The following CDH12 variants were observed in gnomAD, a reference collection of about 807,000 sequenced individuals.
CDH12 encodes the protein cadherin-12.
In CDH12, 41 loss-of-function variants were observed where a neutral mutation model predicts 74.1. The observed-to-expected ratio is 0.55, with a 90% CI of 0.43 to 0.72. The LOEUF is 0.72. CDH12 is among the 30% of genes least tolerant of loss of function. The pLI is 0.00. For missense variants in CDH12, 945 were observed against 977.2 expected, an observed-to-expected ratio of 0.97 and a Z score of 0.44; for synonymous variants, 399 against 355.0, an observed-to-expected ratio of 1.12 and a Z score of -1.39.
At chr5:22,192,674 A>G (rs1750377071) in intron 4 of CDH12, among the ~76,000 whole-genome samples, 1 of 151,888 alleles carries the variant, frequency 6.6e-6, no homozygotes. Context: ...GTGAGAGGTA[A>G]GGAGGGGTGG....
intron 3 of CDH12, among the ~76,000 whole-genome samples, chr5:22,350,428 A>C (rs2150463816): frequency 6.6e-6 from 1 of 152,346 alleles, no homozygotes; most frequent in South Asian, 2.1e-4. Flanking sequence ...GGTAGGAAGT[A>C]AATCCATCAG....
chr5:21,777,549 G>A (rs1745660975), intron 11 of CDH12, among the ~76,000 whole-genome samples: 2 of 148,212 alleles, frequency 1.3e-5, no homozygotes, highest in Admixed American at 6.7e-5. Flanking sequence ...TTGAGACAGA[G>A]TCTCACTCTG....
intron 1 of CDH12, among the ~76,000 whole-genome samples, chr5:22,681,984 C>A (rs1320883659): frequency 6.6e-6 from 1 of 151,918 alleles, no homozygotes; most frequent in Non-Finnish European, 1.5e-5. Context: ...AATCTCTAAG[C>A]ATATACATTC....
At chr5:21,954,198 A>G (rs1210393652) in intron 6 of CDH12, among the ~76,000 whole-genome samples, 1 of 152,068 alleles carries the variant, frequency 6.6e-6, no homozygotes, top group Non-Finnish European at 1.5e-5. Flanking sequence ...TTGATTAGCA[A>G]TAAAATATAT....
rs143922219 is a variant in CDH12 at position 21,774,849 on chromosome 5, C to T, written c.1393+8509G>A. ...ATGTTTAGTCCTGAAAAGTCAACTA[C>T]AGTCTTTGAGTAAGTACATATATTC... On this transcript the variant is annotated intron_variant, in intron 11 of 14. Transcript: ENST00000382254. 5.9e-5 allele frequency among the ~76,000 whole-genome samples: 9 copies of T among 152,264 alleles called. No homozygotes were observed. In the East Asian group the frequency reaches 1.5e-3, roughly 26 times the overall value.
chr5:22,834,823 AAAGAAAAGCAAAGGAAAGGAAATAAGG>A (rs1222404424), intron 1 of CDH12, among the ~76,000 whole-genome samples: 2 of 152,108 alleles, frequency 1.3e-5, no homozygotes, highest in African/African-American at 4.8e-5. Context: ...CTGAAAAAGG[AAAGAAAAGCAAAGGAAAGGAAATAAGG>A]AAGAAAACAA....
At chr5:22,016,845 T>C (rs894168605) in intron 5 of CDH12, among the ~76,000 whole-genome samples, 4 of 152,162 alleles carry the variant, frequency 2.6e-5, no homozygotes, top group Non-Finnish European at 5.9e-5. Flanking sequence ...TAACATCTTG[T>C]TGTGCTAGCC....
chr5:21,833,561 G>GTAATATATTATATAATTTATTA (rs1749356984), intron 8 of CDH12, among the ~76,000 whole-genome samples: 1 of 61,630 alleles, frequency 1.6e-5, no homozygotes, highest in African/African-American at 1.1e-4. Context: ...ATAATCTATG[G>GTAATATATTATATAATTTATTA]CATATATTAT....
chr5:21,928,848 G>C (rs1168887702), intron 6 of CDH12, among the ~76,000 whole-genome samples: 1 of 151,890 alleles, frequency 6.6e-6, no homozygotes, highest in Non-Finnish European at 1.5e-5. Context: ...TGTGTTTTTG[G>C]TGATTTGTAA....
intron 3 of CDH12, among the ~76,000 whole-genome samples, chr5:22,361,905 C>A (rs1740821511): frequency 6.6e-6 from 1 of 152,142 alleles, no homozygotes; most frequent in Non-Finnish European, 1.5e-5. Context: ...GGATCCCTTC[C>A]TTACACCTTA....
At position 22,551,672 on chromosome 5, in the gene CDH12, CAGAT is replaced by C. The variant is rs137890787; in HGVS notation, c.-522-46312_-522-46309del. On this transcript the variant is annotated intron_variant, in intron 1 of 14. Transcript: ENST00000382254. Reference sequence around the variant, plus strand: ...ACATGTGATATTCTTGTGAGGGACACAGATAGTTATCTAAAGGTTAAATGCCTAT... The same window carrying C: ...ACATGTGATATTCTTGTGAGGGACACAGTTATCTAAAGGTTAAATGCCTAT... 2.6e-4 allele frequency among the ~76,000 whole-genome samples: 39 copies of C among 152,020 alleles called. 1 individual carries two copies. The East Asian group carries it at 7.6e-3, about 29-fold the overall frequency.
chr5:22,176,428 TA>T (rs1749342545), intron 4 of CDH12, among the ~76,000 whole-genome samples: 1 of 151,976 alleles, frequency 6.6e-6, no homozygotes, highest in Admixed American at 6.6e-5. Flanking sequence ...TCACGTTTGT[TA>T]TATAACATTC....
At chr5:22,776,373 TTAAA>T (rs1379909742) in intron 1 of CDH12, among the ~76,000 whole-genome samples, 30 of 152,264 alleles carry the variant, frequency 2.0e-4, no homozygotes, top group African/African-American at 7.2e-4. Flanking sequence ...TCACACGGGA[TTAAA>T]TAAATGATCC....
chr5:22,226,963 A>T (rs1178842237), intron 3 of CDH12, among the ~76,000 whole-genome samples: 2 of 152,094 alleles, frequency 1.3e-5, no homozygotes, highest in African/African-American at 4.8e-5. Flanking sequence ...ACAAGAGGGG[A>T]TGCCACTTGA....
At chr5:21,943,913 T>A (rs1324395549) in intron 6 of CDH12, among the ~76,000 whole-genome samples, 1 of 152,074 alleles carries the variant, frequency 6.6e-6, no homozygotes, top group Non-Finnish European at 1.5e-5. Context: ...AATGAGCAGA[T>A]CACATAAATC....
intron 1 of CDH12, among the ~76,000 whole-genome samples, chr5:22,571,063 TG>T (rs1228479430): frequency 6.6e-6 from 1 of 152,180 alleles, no homozygotes; most frequent in Non-Finnish European, 1.5e-5. Context: ...TTCAAAGAAT[TG>T]GAGCAGTGGA....
At chr5:22,284,430 A>C (rs1737048190) in intron 3 of CDH12, among the ~76,000 whole-genome samples, 1 of 152,146 alleles carries the variant, frequency 6.6e-6, no homozygotes, top group Non-Finnish European at 1.5e-5. Context: ...GAGTATTTCT[A>C]AGATCACATG....
chr5:21,801,513 T>C (rs1483923361), intron 10 of CDH12, among the ~76,000 whole-genome samples: 1 of 152,168 alleles, frequency 6.6e-6, no homozygotes, highest in Non-Finnish European at 1.5e-5. Context: ...GGAAATTGTA[T>C]TATGTCTTGA....
At chr5:22,705,130 T>TATATATACACACACACAC (rs752782183) in intron 1 of CDH12, among the ~76,000 whole-genome samples, 101 of 125,612 alleles carry the variant, frequency 8.0e-4, no homozygotes, top group African/African-American at 2.7e-3. Flanking sequence ...TATATATATA[T>TATATATACACACACACAC]ACACACACAC....
Sources: gnomAD v4.1 joint callset for allele counts (sites outside exome capture counted in the v4.1 genomes callset) on GRCh38, gnomAD v4.1.1 for gene constraint, MANE v1.5 for transcripts, NCBI Gene and HGNC (gene_info 2026-07-23, HGNC 2026-07-21) for gene names.